Variants in MED4 observed in about 807,000 individuals in gnomAD.
The protein encoded by MED4 is mediator complex subunit 4.
In MED4, 21 loss-of-function variants were observed where a neutral mutation model predicts 35.0. The ratio of observed to expected loss-of-function variants is 0.60; its 90% CI spans 0.43 to 0.86. MED4 has a LOEUF of 0.86. Among genes scored for constraint, MED4 ranks in the 40% least tolerant of loss-of-function variants. The probability of loss-of-function intolerance (pLI) is 0.00; values close to 1 mark genes in which losing one functional copy is unlikely to be tolerated. For missense variants in MED4, 300 were observed against 319.4 expected (o/e 0.94, Z 0.46); for synonymous variants, 138 against 114.0 (o/e 1.21, Z -1.34).
rs1280761333 is a variant in MED4 at position 48,076,556 on chromosome 13, T to C, written c.*583A>G. On this transcript the variant is annotated 3_prime_UTR_variant, in exon 7 of 7. Coordinates refer to ENST00000258648, the MANE Select transcript of MED4 (RefSeq NM_014166.4). Reference sequence around the variant, plus strand: ...TAATTTCCTACCTACACTGACAGTATATTTAAACTAAAAAAAAAGCATACA... The same window carrying C: ...TAATTTCCTACCTACACTGACAGTACATTTAAACTAAAAAAAAAGCATACA... The C allele has an allele frequency of 6.6e-6, 1 of 150,858 alleles. No homozygotes were observed. The highest frequency in any genetic ancestry group is 1.5e-5 in the Non-Finnish European group (1 of 67,988). 9.3% of individuals were successfully genotyped at this position (150,858 alleles called of 1,614,324 possible).
intron 2 of MED4, 84 bp from the exon 3 acceptor site, chr13:48,086,536 G>A: frequency 6.4e-6 from 8 of 1,257,686 alleles, no homozygotes; most frequent in South Asian, 2.8e-5. Flanking sequence ...TAACTGAATT[G>A]GCTAGGCTAT....
At chr13:48,085,170 ATTTTTTTTTTT>A (rs56225303) in intron 3 of MED4, among the ~76,000 whole-genome samples, 12,870 of 139,346 alleles carry the variant, frequency 0.092, 738 homozygotes, top group South Asian at 0.19. Context: ...TGCCCAGCTA[ATTTTTTTTTTT>A]TTTTTTTTTT....
chr13:48,086,376 T>C lies in MED4; in HGVS notation c.269A>G (p.His90Arg), dbSNP rs781580026. 3.1e-6 allele frequency: 5 copies of C among 1,613,710 alleles called. No homozygotes were observed. In the African/African-American group the frequency reaches 5.3e-5, roughly 17 times the overall value. The change falls in exon 3 of 7, where the codon CAT becomes CGT. Residue 90 changes from histidine to arginine, a missense_variant. Physicochemically the swap from His to Arg is conservative, Grantham distance 29. Transcript: ENST00000258648. ...MKLALNQGKI[H>R]HEMQVLEKEV... ...TTTTTCTAAAACTTGCATTTCATGA[T>C]GAATTTTTCCCTGATTAAGTGCCAA...
At position 48,083,388 on chromosome 13, in the gene MED4, A is replaced by G. The variant is rs200299398; in HGVS notation, c.404T>C (p.Ile135Thr). Residue 135 changes from isoleucine (I) to threonine (T), a missense_variant, in exon 4 of 7, where the codon ATA (isoleucine) becomes ACA (threonine). Transcript: ENST00000258648. Reference protein sequence around the residue: ...VYQAKEKLKSIEKARKGAISS... With the variant: ...VYQAKEKLKSTEKARKGAISS... ...ATACTAACCTTTTCTTGCTTTTTCT[A>G]TTGACTTGAGTTTCTCCTTCGCTTG... 9 of 1,612,578 alleles carry G rather than the reference A, an allele frequency of 5.6e-6. No individual in the cohort carries two copies. The highest frequency in any genetic ancestry group is 7.6e-6 in the Non-Finnish European group (9 of 1,179,592).
At position 48,076,637 on chromosome 13, in the gene MED4, C is replaced by T. The variant is rs1031372065; in HGVS notation, c.*502G>A. 6 of 152,136 alleles carry T rather than the reference C, an allele frequency of 3.9e-5. No homozygotes were observed. Among genetic ancestry groups the T allele is most frequent in the Non-Finnish European group, 7.3e-5 (5 of 68,068 alleles). 9.4% of individuals were successfully genotyped at this position (152,136 alleles called of 1,614,324 possible). ...CAATTACAAACTGTACAAATTGAGA[C>T]AATTTCCCATGCCTCCAACAGAAGC... On this transcript the variant is annotated 3_prime_UTR_variant, in exon 7 of 7. Coordinates refer to ENST00000258648, the MANE Select transcript of MED4 (RefSeq NM_014166.4).
intron 2 of MED4, among the ~76,000 whole-genome samples, chr13:48,089,891 G>A (rs777023288): frequency 5.3e-5 from 8 of 152,130 alleles, no homozygotes; most frequent in African/African-American, 1.7e-4. Flanking sequence ...AAAACTGCCC[G>A]TACTTTCACC....
chr13:48,086,863 A>AAC (rs1319684750), intron 2 of MED4, among the ~76,000 whole-genome samples: 2 of 152,084 alleles, frequency 1.3e-5, no homozygotes, highest in Admixed American at 1.3e-4. Flanking sequence ...TGGCCTGGCC[A>AAC]ACATGGTGAA....
chr13:48,090,474 A>C, intron 1 of MED4, 56 bp from the exon 2 acceptor site: 1 of 1,380,724 alleles, frequency 7.2e-7, no homozygotes, highest in Non-Finnish European at 1.0e-6. Flanking sequence ...CTGAACACTC[A>C]GGGCTACTCC....
chr13:48,080,108 G>C, intron 5 of MED4, 133 bp from the exon 6 acceptor site: 1 of 1,015,770 alleles, frequency 9.8e-7, no homozygotes, highest in Non-Finnish European at 1.4e-6. Context: ...AAATACAGAA[G>C]TCATCTGGCC....
intron 5 of MED4, 143 bp downstream of exon 5, chr13:48,081,502 C>T (rs1950807906): frequency 2.0e-6 from 1 of 491,702 alleles, no homozygotes; most frequent in Non-Finnish European, 3.4e-6. Flanking sequence ...TATATCATTA[C>T]TTATAAACCA....
intron 2 of MED4, among the ~76,000 whole-genome samples, chr13:48,086,836 GGTC>G (rs1380590882): frequency 1.3e-5 from 2 of 151,952 alleles, no homozygotes; most frequent in Admixed American, 1.3e-4. Context: ...GATCACTTGA[GGTC>G]ACGAGTTCTA....
rs775015245 is a variant in MED4 at position 48,086,249 on chromosome 13, T to C, written c.363+33A>G. 4 of 1,597,418 alleles carry C rather than the reference T, an allele frequency of 2.5e-6. No homozygotes were observed. The South Asian group carries it at 4.5e-5, about 18-fold the overall frequency. ...CAGAAACAGATTAAACAACATCCTT[T>C]TTAACCTTAAGAACCAACCTCTGTC... On this transcript the variant is annotated intron_variant, in intron 3 of 6. Transcript: ENST00000258648.
At chr13:48,090,026 T>C (rs1950879786) in intron 2 of MED4, among the ~76,000 whole-genome samples, 1 of 152,204 alleles carries the variant, frequency 6.6e-6, no homozygotes, top group African/African-American at 2.4e-5. Flanking sequence ...ATTCTAAATA[T>C]TGTTGTAATC....
chr13:48,092,880 G>A lies in MED4; in HGVS notation c.125+2074C>T, dbSNP rs777277014. ...CCTTCCTCTGTTCTTGCAAATCTGG[G>A]AGCGTGAGTCCACAGAAGGCTTTAC... On this transcript the variant is annotated intron_variant, in intron 1 of 6. Transcript: ENST00000258648. 4.2e-4 allele frequency among the ~76,000 whole-genome samples: 64 copies of A among 152,258 alleles called. 1 individual carries two copies. In the Middle Eastern group the frequency reaches 0.01, roughly 24 times the overall value.
chr13:48,082,598 T>C (rs1249806963), intron 4 of MED4, among the ~76,000 whole-genome samples: 2 of 151,968 alleles, frequency 1.3e-5, no homozygotes, highest in East Asian at 1.9e-4. Context: ...GAGGCCGAGG[T>C]GGGCAGATCA....
chr13:48,078,117 T>C (rs991579138), intron 6 of MED4, among the ~76,000 whole-genome samples: 2 of 152,288 alleles, frequency 1.3e-5, no homozygotes, highest in Admixed American at 6.5e-5. Context: ...AAGTTACATT[T>C]AAAGTCTGTA....
intron 1 of MED4, among the ~76,000 whole-genome samples, chr13:48,092,793 T>C (rs1950899450): frequency 6.6e-6 from 1 of 152,074 alleles, no homozygotes; most frequent in South Asian, 2.1e-4. Context: ...TAAAAGCTGG[T>C]TTCAGGTGGG....
Position 48,079,680 on chromosome 13 carries a change from G to A in MED4, c.640+164C>T, listed in dbSNP as rs73481207. ...ACTTGAACCTGGGAGCCAAGATTTCGCCAACACGCTCCAGCCTGGGTGACA... is the reference window on the plus strand; with the variant it reads ...ACTTGAACCTGGGAGCCAAGATTTCACCAACACGCTCCAGCCTGGGTGACA... On this transcript the variant is annotated intron_variant, in intron 6 of 6. Transcript: ENST00000258648. 0.022 allele frequency: 15,227 copies of A among 704,722 alleles called. 582 individuals carry two copies. The highest frequency in any genetic ancestry group is 0.095 in the African/African-American group (5,172 of 54,676). 43.7% of individuals were successfully genotyped at this position (704,722 alleles called of 1,614,324 possible).
chr13:48,083,311 T>C (rs1011684852), intron 4 of MED4, 60 bp downstream of exon 4: 5 of 1,318,498 alleles, frequency 3.8e-6, no homozygotes, highest in Middle Eastern at 1.9e-4. Context: ...CCTCTTGTAT[T>C]GGTTTCCTGA....
Sources: gnomAD v4.1 joint callset for allele counts (sites outside exome capture counted in the v4.1 genomes callset) on GRCh38, gnomAD v4.1.1 for gene constraint, MANE v1.5 for transcripts, NCBI Gene and HGNC (gene_info 2026-07-23, HGNC 2026-07-21) for gene names.